Variants in SUGP1 observed in about 807,000 individuals in gnomAD.
SUGP1 encodes the protein SURP and G-patch domain-containing protein 1.
SUGP1 carries 34 observed loss-of-function variants against 76.5 expected under a neutral mutation model. The observed-to-expected ratio is 0.44, with a 90% CI of 0.34 to 0.59. SUGP1 has a LOEUF of 0.59. SUGP1 is among the 20% of genes least tolerant of loss of function. SUGP1 has a pLI of 0.01. For synonymous variants in SUGP1, 326 were observed against 326.2 expected (o/e 1.00, Z 0.01); for missense variants, 752 against 851.7 (o/e 0.88, Z 1.46).
chr19:19,304,286 G>A (rs1490260500), intron 4 of SUGP1, among the ~76,000 whole-genome samples: 1 of 152,142 alleles, frequency 6.6e-6, no homozygotes, highest in Non-Finnish European at 1.5e-5. Context: ...GGCAACTAGT[G>A]TCATCATAGA....
At chr19:19,294,355 C>A (rs1372783681) in intron 8 of SUGP1, among the ~76,000 whole-genome samples, 2 of 152,034 alleles carry the variant, frequency 1.3e-5, no homozygotes, top group Admixed American at 6.6e-5. Context: ...GAAACTCCAT[C>A]TCTACAAAAA....
chr19:19,286,166 T>A (rs1369716700), intron 8 of SUGP1, among the ~76,000 whole-genome samples: 2 of 152,224 alleles, frequency 1.3e-5, no homozygotes, highest in Non-Finnish European at 2.9e-5. Flanking sequence ...TGCTAGTGAC[T>A]GCTTGTTAAA....
rs1019376683 is a variant in SUGP1, at chr19:19,320,503, C to T, written c.-7G>A. 9.3e-6 allele frequency: 15 copies of T among 1,609,798 alleles called. No individual in the cohort carries two copies. The highest frequency in any genetic ancestry group is 1.3e-5 in the Non-Finnish European group (15 of 1,178,512). On this transcript the variant is annotated 5_prime_UTR_variant, in exon 1 of 14. Transcript: ENST00000247001. ...TGTCCATCTTGAGACTCATCCAATCCCACAATGCTCCGGCGCCCCTTAAGG... is the reference window on the plus strand; with the variant it reads ...TGTCCATCTTGAGACTCATCCAATCTCACAATGCTCCGGCGCCCCTTAAGG...
intron 8 of SUGP1, among the ~76,000 whole-genome samples, chr19:19,288,782 C>G (rs1239805264): frequency 6.6e-6 from 1 of 151,944 alleles, no homozygotes; most frequent in East Asian, 1.9e-4. Context: ...TTCAGATTTT[C>G]TCTTTTTTTT....
At chr19:19,304,309 G>A (rs995873887) in intron 4 of SUGP1, among the ~76,000 whole-genome samples, 5 of 152,228 alleles carry the variant, frequency 3.3e-5, no homozygotes, top group Non-Finnish European at 5.9e-5. Flanking sequence ...CTCTGCGGCC[G>A]GTGGAACCTC....
chr19:19,286,589 A>C (rs1302581854), intron 8 of SUGP1, among the ~76,000 whole-genome samples: 2 of 152,178 alleles, frequency 1.3e-5, no homozygotes, highest in Non-Finnish European at 2.9e-5. Context: ...GGAGAAATTT[A>C]AGAACTAAAA....
chr19:19,320,116 A>C (rs1002877239), intron 1 of SUGP1, among the ~76,000 whole-genome samples: 7 of 152,250 alleles, frequency 4.6e-5, no homozygotes, highest in Non-Finnish European at 7.3e-5. Context: ...GCCAGAGGCC[A>C]GCTGCGACGA....
chr19:19,306,722 C>T (rs1333938478), intron 3 of SUGP1, among the ~76,000 whole-genome samples: 1 of 152,230 alleles, frequency 6.6e-6, no homozygotes, highest in Non-Finnish European at 1.5e-5. Flanking sequence ...TGTAGGCGAC[C>T]AACCTACAGA....
At chr19:19,309,292 G>A (rs927161336) in intron 3 of SUGP1, among the ~76,000 whole-genome samples, 2 of 152,212 alleles carry the variant, frequency 1.3e-5, no homozygotes, top group South Asian at 2.1e-4. Flanking sequence ...CAAGACCAGC[G>A]TGACCAACAT....
At chr19:19,320,351 G>T in intron 1 of SUGP1, 112 bp downstream of exon 1, 1 of 1,198,056 alleles carries the variant, frequency 8.3e-7, no homozygotes. Context: ...GGGCTGCCCC[G>T]GGGCTGAAGC....
rs146949586 is a variant in SUGP1 at position 19,316,945 on chromosome 19, C to G, written c.35-352G>C. On this transcript the variant is annotated intron_variant, in intron 1 of 13. Coordinates refer to ENST00000247001, the MANE Select transcript of SUGP1 (RefSeq NM_172231.4). ...TTGAGGTCAGGAGATCGAGACCAGCCTGGCCAACGTGGTGAAACCCTGTCT... is the reference window on the plus strand; with the variant it reads ...TTGAGGTCAGGAGATCGAGACCAGCGTGGCCAACGTGGTGAAACCCTGTCT... Among the ~76,000 whole-genome samples, 924 of 152,196 alleles carry G rather than the reference C, an allele frequency of 6.1e-3. 13 individuals carry two copies. The highest frequency in any genetic ancestry group is 6.5e-3 in the Non-Finnish European group (445 of 68,004).
chr19:19,282,110 G>C (rs989762040), intron 8 of SUGP1, among the ~76,000 whole-genome samples: 1 of 152,182 alleles, frequency 6.6e-6, no homozygotes, highest in African/African-American at 2.4e-5. Flanking sequence ...CTCCCAAGTA[G>C]CTGGGACTAC....
intron 13 of SUGP1, 26 bp from the exon 14 acceptor site, chr19:19,276,700 G>A: frequency 1.9e-6 from 3 of 1,614,108 alleles, no homozygotes; most frequent in Non-Finnish European, 2.5e-6. Flanking sequence ...CAGATAACAG[G>A]AGGAGGGGAT....
chr19:19,291,618 G>A (rs569914737), intron 8 of SUGP1, among the ~76,000 whole-genome samples: 19 of 152,190 alleles, frequency 1.2e-4, no homozygotes, highest in African/African-American at 3.6e-4. Flanking sequence ...GGCTGGGCAC[G>A]GTGGCTCACA....
At position 19,297,361 on chromosome 19, in the gene SUGP1, G is replaced by T. The variant is rs1175464818; in HGVS notation, c.888-17C>A. ...TACAGAAAGCTGCAAAGGAGAGTTG[G>T]GGGGTGCAGTGTCAGCTGGGCCCGA... On this transcript the variant is annotated splice_polypyrimidine_tract_variant and intron_variant, in intron 7 of 13. Coordinates refer to ENST00000247001, the MANE Select transcript of SUGP1 (RefSeq NM_172231.4). 2 of 1,506,000 alleles carry T rather than the reference G, an allele frequency of 1.3e-6. No homozygotes were observed. The highest frequency in any genetic ancestry group is 2.3e-5 in the East Asian group (1 of 43,722). 93.3% of individuals were successfully genotyped at this position (1,506,000 alleles called of 1,614,324 possible).
At chr19:19,302,948 G>A (rs1053268580) in intron 6 of SUGP1, among the ~76,000 whole-genome samples, 11 of 152,024 alleles carry the variant, frequency 7.2e-5, no homozygotes, top group African/African-American at 2.4e-4. Flanking sequence ...CCAGGCCCTC[G>A]GCCCTACACT....
chr19:19,315,023 G>T (rs1350086477), intron 2 of SUGP1, among the ~76,000 whole-genome samples: 1 of 151,674 alleles, frequency 6.6e-6, no homozygotes, highest in African/African-American at 2.4e-5. Flanking sequence ...AACAAAAAAA[G>T]AAAAAGAAAG....
Position 19,316,595 on chromosome 19 carries a change from T to C in SUGP1, c.35-2A>G, listed in dbSNP as rs1281387725. 3 of 1,613,676 alleles carry C rather than the reference T, an allele frequency of 1.9e-6. No homozygotes were observed. Among genetic ancestry groups the C allele is most frequent in the Admixed American group, 1.7e-5 (1 of 59,964 alleles). ...CCCCAAACCACCGGTTAGCCTTTCC[T>C]GGGGAGGGAAAAGGAGTACGTCGGA... On this transcript the variant is annotated splice_acceptor_variant, in intron 1 of 13. Transcript: ENST00000247001. LOFTEE classifies it high-confidence loss of function.
chr19:19,310,994 G>A (rs1299253757), intron 2 of SUGP1, among the ~76,000 whole-genome samples: 1 of 151,516 alleles, frequency 6.6e-6, no homozygotes, highest in Non-Finnish European at 1.5e-5. Flanking sequence ...AAAGTGCAGA[G>A]TGCAATGGTG....
Sources: allele counts gnomAD v4.1 joint callset (sites outside exome capture counted in the v4.1 genomes callset), GRCh38; gene constraint gnomAD v4.1.1; transcripts MANE v1.5; gene names NCBI Gene and HGNC (gene_info 2026-07-23, HGNC 2026-07-21).